The following CNGB3 variants were observed in gnomAD, a reference collection of about 807,000 sequenced individuals.
The protein encoded by CNGB3 is cyclic nucleotide-gated channel beta-3.
In CNGB3, 86 loss-of-function variants were observed where a neutral mutation model predicts 92.8. The observed-to-expected ratio is 0.93, with a 90% CI of 0.78 to 1.11. The LOEUF (loss-of-function observed/expected upper bound fraction) is 1.11, where lower values mean the gene tolerates loss of function less well. Among genes scored for constraint, CNGB3 ranks in the 50% least tolerant of loss-of-function variants. CNGB3 has a pLI of 0.00. For synonymous variants in CNGB3, 333 were observed against 332.7 expected, an observed-to-expected ratio of 1.00 and a Z score of -0.01; for missense variants, 1,026 against 956.8, an observed-to-expected ratio of 1.07 and a Z score of -0.95.
chr8:86,641,492 T>C (rs962473738), intron 10 of CNGB3, among the ~76,000 whole-genome samples: 6 of 151,938 alleles, frequency 3.9e-5, no homozygotes, highest in Non-Finnish European at 7.4e-5. Flanking sequence ...TCTGGTAACA[T>C]ACTGATCTAT....
chr8:86,661,678 C>T (rs1823642469), intron 6 of CNGB3: 3 of 1,021,666 alleles, frequency 2.9e-6, no homozygotes, highest in Admixed American at 1.8e-5. Context: ...TCTCTTCTTC[C>T]TCTTCTTCTG....
chr8:86,584,129 C>T (rs1481352368), intron 15 of CNGB3, among the ~76,000 whole-genome samples: 1 of 152,176 alleles, frequency 6.6e-6, no homozygotes, highest in East Asian at 1.9e-4. Context: ...CCCCATCTAT[C>T]TATGTATCTA....
chr8:86,706,509 T>A (rs1245926960), intron 3 of CNGB3, among the ~76,000 whole-genome samples: 1 of 152,234 alleles, frequency 6.6e-6, no homozygotes, highest in Non-Finnish European at 1.5e-5. Flanking sequence ...GAGAGCTCTT[T>A]CATGTGGCCA....
intron 15 of CNGB3, among the ~76,000 whole-genome samples, chr8:86,581,742 C>G (rs538011389): frequency 6.6e-6 from 1 of 152,102 alleles, no homozygotes; most frequent in African/African-American, 2.4e-5. Context: ...CTTACCCCCC[C>G]ACCAAGTCTC....
intron 15 of CNGB3, among the ~76,000 whole-genome samples, chr8:86,599,463 T>C (rs899865720): frequency 2.0e-5 from 3 of 152,172 alleles, no homozygotes; most frequent in Non-Finnish European, 2.9e-5. Context: ...AGAGATAACC[T>C]TAAACTCTGA....
chr8:86,582,393 C>CA (rs35627136), intron 15 of CNGB3, among the ~76,000 whole-genome samples: 3,280 of 134,840 alleles, frequency 0.024, 103 homozygotes, highest in African/African-American at 0.083. Context: ...GACCCTATCT[C>CA]AAAAAAAAAA....
intron 3 of CNGB3, among the ~76,000 whole-genome samples, chr8:86,688,552 AG>A (rs1336028147): frequency 6.6e-6 from 1 of 151,880 alleles, no homozygotes; most frequent in Admixed American, 6.6e-5. Flanking sequence ...TTTTTGAGAC[AG>A]TTTCTTTCTG....
At chr8:86,648,027 A>C (rs574275896) in intron 7 of CNGB3, 140 bp from the exon 8 acceptor site, 49 of 701,754 alleles carry the variant, frequency 7.0e-5, no homozygotes, top group Non-Finnish European at 1.2e-4. Flanking sequence ...TCAATTAACT[A>C]TGCATGGGGC....
At chr8:86,680,864 G>A (rs1460152866) in intron 3 of CNGB3, among the ~76,000 whole-genome samples, 1 of 152,092 alleles carries the variant, frequency 6.6e-6, no homozygotes, top group African/African-American at 2.4e-5. Flanking sequence ...GGGGGACATT[G>A]TCTGTAGGAA....
chr8:86,721,521 A>T (rs1824970601), intron 3 of CNGB3, among the ~76,000 whole-genome samples: 1 of 152,114 alleles, frequency 6.6e-6, no homozygotes, highest in African/African-American at 2.4e-5. Flanking sequence ...ATGTAACCAA[A>T]CACCACCTGT....
chr8:86,577,012 C>T (rs1821673865), intron 17 of CNGB3, among the ~76,000 whole-genome samples: 1 of 152,126 alleles, frequency 6.6e-6, no homozygotes, highest in Non-Finnish European at 1.5e-5. Context: ...CCCATTTCTA[C>T]AGTTTTAGAG....
At chr8:86,663,834 T>C (rs184338975) in intron 6 of CNGB3, among the ~76,000 whole-genome samples, 55 of 152,374 alleles carry the variant, frequency 3.6e-4, no homozygotes, top group African/African-American at 1.2e-3. Context: ...TTGTAGCTTA[T>C]GATAATGCAT....
Position 86,654,013 on chromosome 8 carries a change from T to C in CNGB3, c.902A>G (p.Gln301Arg), listed in dbSNP as rs1290568996. The C allele has an allele frequency of 6.3e-7, 1 of 1,589,436 alleles. No individual in the cohort carries two copies. ...RKHYRTSTKF[Q>R]LDVASIIPFD... ...ACTTTGAAATTGTTTGTCACCTACC[T>C]GAAATTTTGTAGAAGTCCTGTAGTG... Residue 301 changes from glutamine to arginine, a missense_variant and splice_region_variant, in exon 7 of 18, where the codon CAG becomes CGG. Gln to Arg is a conservative substitution (Grantham distance 43). Transcript: ENST00000320005.
At chr8:86,740,203 T>TA (rs1825317325) in intron 1 of CNGB3, among the ~76,000 whole-genome samples, 1 of 152,176 alleles carries the variant, frequency 6.6e-6, no homozygotes, top group Admixed American at 6.5e-5. Flanking sequence ...AGTGTGTGCC[T>TA]CAGGATGTTC....
chr8:86,624,661 G>A (rs1342649173), intron 13 of CNGB3, among the ~76,000 whole-genome samples: 2 of 151,998 alleles, frequency 1.3e-5, no homozygotes, highest in South Asian at 2.1e-4. Flanking sequence ...TCCCATCTGC[G>A]TAGCTCACTC....
chr8:86,735,160 T>TTTTTTTTA (rs1450641454), intron 2 of CNGB3, among the ~76,000 whole-genome samples: 1 of 139,964 alleles, frequency 7.1e-6, no homozygotes, highest in African/African-American at 2.7e-5. Context: ...TTTTTTTTTT[T>TTTTTTTTA]GAGACAGAGT....
intron 3 of CNGB3, among the ~76,000 whole-genome samples, chr8:86,698,315 A>G (rs1274071726): frequency 6.6e-6 from 1 of 152,214 alleles, no homozygotes; most frequent in East Asian, 1.9e-4. Context: ...CAAATAACAG[A>G]TTTGAATCTA....
At chr8:86,731,828 A>G (rs1052426201) in intron 2 of CNGB3, among the ~76,000 whole-genome samples, 1 of 152,222 alleles carries the variant, frequency 6.6e-6, no homozygotes, top group Non-Finnish European at 1.5e-5. Flanking sequence ...TCCATGAGCC[A>G]GACTGGAATA....
intron 2 of CNGB3, among the ~76,000 whole-genome samples, chr8:86,734,610 G>A (rs575949403): frequency 1.4e-4 from 22 of 152,316 alleles, no homozygotes; most frequent in African/African-American, 5.1e-4. Flanking sequence ...TGTGTTCCCA[G>A]TGATTTAAGA....
Sources: allele counts gnomAD v4.1 joint callset (sites outside exome capture counted in the v4.1 genomes callset), GRCh38; gene constraint gnomAD v4.1.1; transcripts MANE v1.5; gene names NCBI Gene and HGNC (gene_info 2026-07-23, HGNC 2026-07-21).